Variants in SP140L observed in about 807,000 individuals in gnomAD.
SP140L encodes nuclear body protein SP140-like protein.
In SP140L, 64 loss-of-function variants were observed where a neutral mutation model predicts 84.3. The ratio of observed to expected loss-of-function variants is 0.76; its 90% confidence interval spans 0.62 to 0.94. SP140L has a LOEUF of 0.94. Ranked by LOEUF, SP140L falls within the 40% of genes least tolerant of loss-of-function variation. The probability of loss-of-function intolerance (pLI) is 0.00; values close to 1 mark genes in which losing one functional copy is unlikely to be tolerated. For synonymous variants in SP140L, 242 were observed against 236.9 expected, an observed-to-expected ratio of 1.02 and a Z score of -0.20; for missense variants, 628 against 692.5, an observed-to-expected ratio of 0.91 and a Z score of 1.05.
intron 5 of SP140L, among the ~76,000 whole-genome samples, chr2:230,364,089 G>C (rs188046048): frequency 1.1e-4 from 17 of 152,224 alleles, no homozygotes; most frequent in Admixed American, 7.8e-4. Flanking sequence ...TTGAAGTCAG[G>C]TAGTGTGATG....
intron 5 of SP140L, among the ~76,000 whole-genome samples, chr2:230,370,666 A>G (rs575356602): frequency 1.2e-4 from 19 of 152,166 alleles, no homozygotes; most frequent in African/African-American, 3.4e-4. Flanking sequence ...ACAGAAACAG[A>G]GTTCTGATAA....
At chr2:230,396,960 G>T (rs892440459) in intron 14 of SP140L, among the ~76,000 whole-genome samples, 162 bp downstream of exon 14, 5 of 152,156 alleles carry the variant, frequency 3.3e-5, no homozygotes, top group African/African-American at 1.2e-4. Context: ...AGATGTGCTT[G>T]GGCCTTGGAT....
intron 7 of SP140L, among the ~76,000 whole-genome samples, chr2:230,380,169 A>G (rs1269934012): frequency 7.0e-6 from 1 of 142,416 alleles, no homozygotes; most frequent in Non-Finnish European, 1.6e-5. Flanking sequence ...CAGCAGGCAA[A>G]GACAGAGTGA....
At chr2:230,396,641 A>AT (rs1440707065) in intron 13 of SP140L, 116 bp from the exon 14 acceptor site, 2 of 1,272,620 alleles carry the variant, frequency 1.6e-6, no homozygotes, top group Non-Finnish European at 2.2e-6. Context: ...CCTCCCAATT[A>AT]TTTTTTTACA....
chr2:230,354,917 A>AAG (rs2060494285), intron 2 of SP140L, among the ~76,000 whole-genome samples: 1 of 148,518 alleles, frequency 6.7e-6, no homozygotes, highest in East Asian at 2.1e-4. Flanking sequence ...AGAAGAAAGA[A>AAG]AAAGAAAGAA....
intron 4 of SP140L, 49 bp from the exon 5 acceptor site, chr2:230,361,565 C>A: frequency 6.9e-7 from 1 of 1,443,204 alleles, no homozygotes; most frequent in South Asian, 1.2e-5. Flanking sequence ...GGTGTTGTCC[C>A]TGGTTCTCAC....
intron 1 of SP140L, 61 bp from the exon 2 acceptor site, chr2:230,328,696 T>A (rs1392037703): frequency 6.3e-7 from 1 of 1,575,706 alleles, no homozygotes; most frequent in Non-Finnish European, 8.6e-7. Context: ...AAAGTGGAAT[T>A]GTTGAAGCAA....
chr2:230,328,790 T>A lies in SP140L; in HGVS notation c.66T>A (p.Asn22Lys). The change falls in exon 2 of 19, where the codon AAT becomes AAA. Residue 22 changes from asparagine (N) to lysine (K), a missense_variant. Transcript: ENST00000415673. ...GLNGGVSQVANEMNHLPAHSQ... is the reference protein window; with the variant it reads ...GLNGGVSQVAKEMNHLPAHSQ... ...ACGGAGGTGTTTCACAAGTAGCAAA[T>A]GAGATGAACCATCTTCCTGCACACA... 6.2e-7 allele frequency: 1 copy of A among 1,612,898 alleles called. No homozygotes were observed. Among genetic ancestry groups the A allele is most frequent in the Non-Finnish European group, 8.5e-7 (1 of 1,179,282 alleles).
At chr2:230,395,907 G>T (rs2062027270) in intron 13 of SP140L, among the ~76,000 whole-genome samples, 1 of 152,230 alleles carries the variant, frequency 6.6e-6, no homozygotes, top group South Asian at 2.1e-4. Context: ...AGACTCTCAG[G>T]AAGAAGAGCT....
intron 5 of SP140L, 100 bp from the exon 6 acceptor site, chr2:230,370,807 TA>T: frequency 8.8e-7 from 1 of 1,130,760 alleles, no homozygotes; most frequent in Non-Finnish European, 1.3e-6. Context: ...AAAAGAGGGT[TA>T]TTGGGGCAAA....
At chr2:230,340,004 G>C in intron 2 of SP140L, among the ~76,000 whole-genome samples, 1 of 148,222 alleles carries the variant, frequency 6.7e-6, no homozygotes, top group African/African-American at 2.5e-5. Flanking sequence ...ATGTCTATTA[G>C]GTCCGCTTGG....
intron 9 of SP140L, among the ~76,000 whole-genome samples, chr2:230,386,926 T>C (rs763110990): frequency 6.6e-6 from 1 of 152,182 alleles, no homozygotes; most frequent in Non-Finnish European, 1.5e-5. Flanking sequence ...AGCAAGGATA[T>C]GACATCTGGA....
intron 2 of SP140L, among the ~76,000 whole-genome samples, chr2:230,337,813 A>G (rs373184996): frequency 2.6e-4 from 40 of 151,978 alleles, no homozygotes; most frequent in Non-Finnish European, 4.6e-4. Flanking sequence ...GTAGATACGC[A>G]GCGTTATTTC....
chr2:230,390,085 A>T, intron 11 of SP140L, 62 bp downstream of exon 11: 7 of 1,451,258 alleles, frequency 4.8e-6, no homozygotes, highest in Non-Finnish European at 6.7e-6. Context: ...AGAAGTGGTG[A>T]AATTATTTGT....
intron 5 of SP140L, among the ~76,000 whole-genome samples, chr2:230,365,734 A>C (rs2060846952): frequency 6.6e-6 from 1 of 151,356 alleles, no homozygotes; most frequent in African/African-American, 2.4e-5. Context: ...GCTGTTTGAG[A>C]TCTTTCTTCT....
chr2:230,384,360 A>G (rs900960193), intron 8 of SP140L, among the ~76,000 whole-genome samples: 37 of 152,298 alleles, frequency 2.4e-4, no homozygotes, highest in African/African-American at 8.4e-4. Context: ...TTCCATAATT[A>G]TATATGTTAT....
intron 5 of SP140L, among the ~76,000 whole-genome samples, chr2:230,370,006 T>C (rs2061008234): frequency 4.1e-5 from 6 of 147,912 alleles, no homozygotes; most frequent in African/African-American, 1.6e-4. Context: ...ATTCCTGACT[T>C]AGTGATTTGC....
chr2:230,328,862 G>A (rs760768915), intron 2 of SP140L, 31 bp downstream of exon 2: 2 of 1,595,692 alleles, frequency 1.3e-6, no homozygotes, highest in South Asian at 2.3e-5. Flanking sequence ...GTTTTAATTT[G>A]TATTTTCCTG....
At chr2:230,327,331 T>G in intron 1 of SP140L, 30 bp downstream of exon 1, 1 of 1,603,606 alleles carries the variant, frequency 6.2e-7, no homozygotes, top group Admixed American at 1.7e-5. Context: ...CCTTTCACCT[T>G]TATCTCTGGC....
Sources: gnomAD v4.1 joint callset for allele counts (sites outside exome capture counted in the v4.1 genomes callset) on GRCh38, gnomAD v4.1.1 for gene constraint, MANE v1.5 for transcripts, NCBI Gene and HGNC (gene_info 2026-07-23, HGNC 2026-07-21) for gene names.